Variants in GSK3B observed in about 807,000 individuals in gnomAD.
The protein encoded by GSK3B is glycogen synthase kinase 3 beta.
A neutral mutation model predicts 56.4 loss-of-function variants in GSK3B; 15 were observed. The ratio of observed to expected loss-of-function variants is 0.27; its 90% CI spans 0.18 to 0.41. The LOEUF is 0.41. GSK3B is among the 10% of genes least tolerant of loss of function. GSK3B has a pLI of 1.00. For missense variants in GSK3B, 300 were observed against 513.4 expected (o/e 0.58, Z 4.02); for synonymous variants, 181 against 188.9 (o/e 0.96, Z 0.34).
At chr3:119,990,270 T>C (rs1445798325) in intron 2 of GSK3B, among the ~76,000 whole-genome samples, 3 of 151,724 alleles carry the variant, frequency 2.0e-5, no homozygotes, top group Non-Finnish European at 2.9e-5. Flanking sequence ...AGAGAGATTC[T>C]AACCCCACCA....
chr3:119,924,988 A>C (rs1311358872), intron 3 of GSK3B, among the ~76,000 whole-genome samples: 1 of 152,214 alleles, frequency 6.6e-6, no homozygotes, highest in African/African-American at 2.4e-5. Context: ...GGCTGCAAAG[A>C]AACCTCTAAT....
At chr3:119,837,374 C>A (rs893059159) in intron 10 of GSK3B, among the ~76,000 whole-genome samples, 1 of 150,322 alleles carries the variant, frequency 6.7e-6, no homozygotes, top group Non-Finnish European at 1.5e-5. Flanking sequence ...ACCATGTTGG[C>A]CAGGATGGTC....
intron 2 of GSK3B, among the ~76,000 whole-genome samples, chr3:119,957,948 T>C (rs899221593): frequency 2.0e-5 from 3 of 152,144 alleles, no homozygotes; most frequent in African/African-American, 7.2e-5. Context: ...CAAATAAAGA[T>C]ACTGATACGG....
intron 2 of GSK3B, among the ~76,000 whole-genome samples, chr3:119,996,597 T>G (rs1354973147): frequency 4.1e-5 from 5 of 121,574 alleles, no homozygotes; most frequent in East Asian, 2.0e-4. Context: ...TTATTTAGTG[T>G]TTTTTTTTTT....
chr3:119,951,432 T>A (rs2057155824), intron 2 of GSK3B, among the ~76,000 whole-genome samples: 1 of 152,064 alleles, frequency 6.6e-6, no homozygotes, highest in African/African-American at 2.4e-5. Context: ...TTAGCCGGGC[T>A]TGGTGGCGCA....
At chr3:120,000,942 T>TG (rs1352089830) in intron 2 of GSK3B, among the ~76,000 whole-genome samples, 12 of 136,980 alleles carry the variant, frequency 8.8e-5, no homozygotes, top group Middle Eastern at 3.6e-3. Context: ...TTTTTTTTTT[T>TG]GAGACAGAGT....
At chr3:119,935,318 A>C (rs1273372600) in intron 3 of GSK3B, among the ~76,000 whole-genome samples, 1 of 152,158 alleles carries the variant, frequency 6.6e-6, no homozygotes, top group Non-Finnish European at 1.5e-5. Context: ...AATTTTCATA[A>C]TATAGTAAGA....
intron 1 of GSK3B, among the ~76,000 whole-genome samples, chr3:120,072,761 C>T (rs1284099080): frequency 6.6e-6 from 1 of 152,026 alleles, no homozygotes; most frequent in Non-Finnish European, 1.5e-5. Context: ...AAGGATTTTC[C>T]AGTGCAAGAA....
chr3:120,094,378 T>A lies in GSK3B; in HGVS notation c.-944A>T. On this transcript the variant is annotated 5_prime_UTR_variant, in exon 1 of 11. It introduces an in-frame stop codon into an upstream open reading frame of the 5' UTR. Transcript: ENST00000264235. ...TCGCTTCCTTCCTTCCTTTGTCACTTGGCCCGGGCGGCGGCGGCGGCGGCG... is the reference window on the plus strand; with the variant it reads ...TCGCTTCCTTCCTTCCTTTGTCACTAGGCCCGGGCGGCGGCGGCGGCGGCG... 1 of 300,782 alleles carries A rather than the reference T, an allele frequency of 3.3e-6. No homozygotes were observed. Among genetic ancestry groups the A allele is most frequent in the Non-Finnish European group, 6.2e-6 (1 of 161,828 alleles). 18.6% of individuals were successfully genotyped at this position (300,782 alleles called of 1,614,324 possible).
chr3:120,089,194 T>C (rs541726340), intron 1 of GSK3B, among the ~76,000 whole-genome samples: 1 of 152,356 alleles, frequency 6.6e-6, no homozygotes, highest in African/African-American at 2.4e-5. Context: ...ATAAGGTGAT[T>C]TGTGAATCAC....
chr3:119,879,557 T>C (rs780888354), intron 7 of GSK3B, among the ~76,000 whole-genome samples: 19 of 152,190 alleles, frequency 1.2e-4, no homozygotes, highest in African/African-American at 3.9e-4. Flanking sequence ...TTATTGAGTA[T>C]AGTCACCCTG....
At chr3:119,883,811 T>G (rs1202519279) in intron 7 of GSK3B, among the ~76,000 whole-genome samples, 1 of 152,156 alleles carries the variant, frequency 6.6e-6, no homozygotes, top group Non-Finnish European at 1.5e-5. Flanking sequence ...ATCTGGTTAT[T>G]GAATGTGGCT....
At chr3:120,059,358 C>A (rs75450633) in intron 1 of GSK3B, among the ~76,000 whole-genome samples, 2,429 of 152,230 alleles carry the variant, frequency 0.016, 61 homozygotes, top group African/African-American at 0.055. Flanking sequence ...AGCATATAGT[C>A]GGTCTCAAGT....
At chr3:120,057,435 C>T (rs1373674716) in intron 1 of GSK3B, among the ~76,000 whole-genome samples, 1 of 152,092 alleles carries the variant, frequency 6.6e-6, no homozygotes, top group Non-Finnish European at 1.5e-5. Context: ...AGGTAAAGTT[C>T]TGCTACGAAA....
chr3:119,894,166 CTATT>C lies in GSK3B; in HGVS notation c.813+11585_813+11588del, dbSNP rs566622321. Among the ~76,000 whole-genome samples, 27 of 152,126 alleles carry C rather than the reference CTATT, an allele frequency of 1.8e-4. No individual in the cohort carries two copies. In the South Asian group the frequency reaches 4.4e-3, roughly 25 times the overall value. On this transcript the variant is annotated intron_variant, in intron 7 of 10. Coordinates refer to ENST00000264235, the MANE Select transcript of GSK3B (RefSeq NM_001146156.2). ...CCTTTCGTGTGTGACATTTTCTTAT[CTATT>C]CATCAGTTGCTAGAAATTTTATTTG...
chr3:119,944,805 C>T (rs926647646), intron 3 of GSK3B, among the ~76,000 whole-genome samples: 5 of 152,144 alleles, frequency 3.3e-5, no homozygotes, highest in Admixed American at 6.6e-5. Flanking sequence ...ATATAATATA[C>T]ATAAGCAATA....
chr3:119,980,302 T>C (rs1185346756), intron 2 of GSK3B, among the ~76,000 whole-genome samples: 1 of 152,230 alleles, frequency 6.6e-6, no homozygotes, highest in Admixed American at 6.5e-5. Flanking sequence ...TGTCAACATT[T>C]TGCATAGAGG....
chr3:120,010,656 G>C (rs1390900920), intron 1 of GSK3B, among the ~76,000 whole-genome samples: 2 of 152,118 alleles, frequency 1.3e-5, no homozygotes, highest in Non-Finnish European at 2.9e-5. Context: ...AACTAATATA[G>C]ATTTTAAGAA....
chr3:119,925,313 G>A (rs1484452744), intron 3 of GSK3B, among the ~76,000 whole-genome samples: 1 of 152,172 alleles, frequency 6.6e-6, no homozygotes, highest in Non-Finnish European at 1.5e-5. Flanking sequence ...GGGTGACAGA[G>A]CCACACCTTG....
Sources: gnomAD v4.1 joint callset for allele counts (sites outside exome capture counted in the v4.1 genomes callset) on GRCh38, gnomAD v4.1.1 for gene constraint, MANE v1.5 for transcripts, NCBI Gene and HGNC (gene_info 2026-07-23, HGNC 2026-07-21) for gene names.